Variants in IGF1R observed in about 807,000 individuals in gnomAD.
IGF1R encodes insulin-like growth factor 1 receptor.
A neutral mutation model predicts 144.6 loss-of-function variants in IGF1R; 44 were observed. That is an observed-to-expected ratio of 0.30 (90% CI 0.24 to 0.39). The LOEUF (loss-of-function observed/expected upper bound fraction) is 0.39. IGF1R is among the 10% of genes least tolerant of loss of function. The pLI is 1.00. For synonymous variants in IGF1R, 795 were observed against 722.8 expected (o/e 1.10, Z -1.60); for missense variants, 1,355 against 1,833.7 (o/e 0.74, Z 4.77).
rs189482615 is a variant in IGF1R at position 98,795,572 on chromosome 15, C to G, written c.640+87465C>G. On this transcript the variant is annotated intron_variant, in intron 2 of 20. Transcript: ENST00000650285. ...TGGGACTGCAGGCACCCGCAACCAC[C>G]CCTGGTTAATTTTTTTTGTATTTTT... Among the ~76,000 whole-genome samples, 538 of 152,128 alleles carry G rather than the reference C, an allele frequency of 3.5e-3. 6 individuals are homozygous for G. The highest frequency in any genetic ancestry group is 0.012 in the African/African-American group (509 of 41,478).
intron 2 of IGF1R, among the ~76,000 whole-genome samples, chr15:98,881,981 G>A (rs949260091): frequency 6.6e-6 from 1 of 152,186 alleles, no homozygotes; most frequent in Non-Finnish European, 1.5e-5. Flanking sequence ...AATAGTTTTT[G>A]TGAACAAGAA....
At chr15:98,902,216 G>C (rs1435054917) in intron 5 of IGF1R, among the ~76,000 whole-genome samples, 2 of 152,118 alleles carry the variant, frequency 1.3e-5, no homozygotes, top group African/African-American at 4.8e-5. Flanking sequence ...CCAGGAATCA[G>C]TGCTTGTCTA....
intron 2 of IGF1R, among the ~76,000 whole-genome samples, chr15:98,861,842 G>T (rs1453992804): frequency 6.6e-6 from 1 of 152,232 alleles, no homozygotes; most frequent in Admixed American, 6.5e-5. Context: ...GTACCTAAAA[G>T]GATTTTGTAC....
chr15:98,915,430 C>G (rs895348404), intron 8 of IGF1R, among the ~76,000 whole-genome samples: 1 of 152,206 alleles, frequency 6.6e-6, no homozygotes, highest in East Asian at 1.9e-4. Flanking sequence ...TCCCCCATCC[C>G]TCTTACACAC....
At chr15:98,770,255 T>TG (rs1459653666) in intron 2 of IGF1R, among the ~76,000 whole-genome samples, 1 of 152,214 alleles carries the variant, frequency 6.6e-6, no homozygotes, top group African/African-American at 2.4e-5. Context: ...AAACAGATAT[T>TG]GCGTGTTCTC....
intron 2 of IGF1R, 66 bp downstream of exon 2, chr15:98,708,173 C>CG (rs2053911441): frequency 7.2e-7 from 1 of 1,388,520 alleles, no homozygotes; most frequent in African/African-American, 1.4e-5. Flanking sequence ...CCTTGACCTC[C>CG]CTTCTCTTCT....
chr15:98,819,381 G>C (rs190739160), intron 2 of IGF1R, among the ~76,000 whole-genome samples: 224 of 152,308 alleles, frequency 1.5e-3, no homozygotes, highest in Non-Finnish European at 2.6e-3. Context: ...GATATTAGGA[G>C]CTGGGGCCTT....
intron 2 of IGF1R, among the ~76,000 whole-genome samples, chr15:98,763,388 G>A (rs976938497): frequency 3.3e-5 from 5 of 152,052 alleles, no homozygotes; most frequent in African/African-American, 9.7e-5. Context: ...GACCTGGAGG[G>A]CCTTAGTTTG....
intron 2 of IGF1R, among the ~76,000 whole-genome samples, chr15:98,774,695 G>T (rs1442798481): frequency 6.6e-6 from 1 of 150,410 alleles, no homozygotes; most frequent in African/African-American, 2.5e-5. Context: ...TGGTGGGGGG[G>T]TGGGGGGTGG....
Position 98,959,355 on chromosome 15 carries a change from T to C in IGF1R, c.*1913T>C. The C allele has an allele frequency of 4.3e-6, 1 of 233,734 alleles. No individual in the cohort carries two copies. The allele number at this position is 233,734 out of a possible 1,614,324, so 14.5% of individuals were successfully genotyped here. Reference sequence around the variant, plus strand: ...CAGCAGAGCGTGGTCCGGCAGGGCCTGTTGTGGCCCTCGCCACCCCCCTCA... The same window carrying C: ...CAGCAGAGCGTGGTCCGGCAGGGCCCGTTGTGGCCCTCGCCACCCCCCTCA... On this transcript the variant is annotated 3_prime_UTR_variant, in exon 21 of 21. Coordinates refer to ENST00000650285, the MANE Select transcript of IGF1R (RefSeq NM_000875.5).
chr15:98,779,609 G>T (rs139508307), intron 2 of IGF1R, among the ~76,000 whole-genome samples: 1 of 152,160 alleles, frequency 6.6e-6, no homozygotes, highest in Non-Finnish European at 1.5e-5. Context: ...TGAGCTACAC[G>T]TTTCAAAATC....
Position 98,783,580 on chromosome 15 carries a change from A to G in IGF1R, c.640+75473A>G, listed in dbSNP as rs370994254. ...CCTCCATTTATTTAGTTTTTCTTTG[A>G]TTTACTTCATTAGCATTTTGTAGTT... On this transcript the variant is annotated intron_variant, in intron 2 of 20. Transcript: ENST00000650285. Among the ~76,000 whole-genome samples, 4 of 152,054 alleles carry G rather than the reference A, an allele frequency of 2.6e-5. No homozygotes were observed. The South Asian group carries it at 8.3e-4, about 31-fold the overall frequency.
chr15:98,658,889 T>G (rs2052541710), intron 1 of IGF1R, among the ~76,000 whole-genome samples: 1 of 152,228 alleles, frequency 6.6e-6, no homozygotes, highest in African/African-American at 2.4e-5. Flanking sequence ...GGCAAATAAT[T>G]TAATCTTCTT....
At chr15:98,731,949 G>GATTC (rs901555130) in intron 2 of IGF1R, among the ~76,000 whole-genome samples, 39 of 152,226 alleles carry the variant, frequency 2.6e-4, no homozygotes, top group African/African-American at 9.4e-4. Context: ...AGACCAGTTG[G>GATTC]ATTCCTCTCA....
intron 18 of IGF1R, among the ~76,000 whole-genome samples, chr15:98,940,772 T>C (rs146058465): frequency 6.6e-6 from 1 of 152,296 alleles, no homozygotes; most frequent in Non-Finnish European, 1.5e-5. Flanking sequence ...GGTATTGAAA[T>C]GGAACCATAT....
chr15:98,868,370 T>TGGG (rs5814907), intron 2 of IGF1R, among the ~76,000 whole-genome samples: 33 of 122,776 alleles, frequency 2.7e-4, no homozygotes, highest in Non-Finnish European at 2.9e-4. Context: ...TTTTTTTTTT[T>TGGG]GGGGGGGGGG....
intron 20 of IGF1R, 54 bp downstream of exon 20, chr15:98,948,762 G>T: frequency 6.3e-7 from 1 of 1,589,680 alleles, no homozygotes. Context: ...TCAAATACCT[G>T]TTTTCTTGGG....
intron 1 of IGF1R, among the ~76,000 whole-genome samples, chr15:98,661,686 A>G (rs1292225800): frequency 1.3e-5 from 2 of 152,130 alleles, no homozygotes; most frequent in East Asian, 1.9e-4. Flanking sequence ...TCTCCCACGC[A>G]TGGAGGCATG....
intron 19 of IGF1R, among the ~76,000 whole-genome samples, chr15:98,945,428 C>T (rs757647984): frequency 7.2e-5 from 11 of 152,168 alleles, no homozygotes; most frequent in Non-Finnish European, 1.5e-4. Flanking sequence ...TCACAGCCGC[C>T]GGTCTTCCCC....
Sources: gnomAD v4.1 joint callset for allele counts (sites outside exome capture counted in the v4.1 genomes callset) on GRCh38, gnomAD v4.1.1 for gene constraint, MANE v1.5 for transcripts, NCBI Gene and HGNC (gene_info 2026-07-23, HGNC 2026-07-21) for gene names.